The following COP1 variants were observed in gnomAD, a reference collection of about 807,000 sequenced individuals.
COP1 encodes E3 ubiquitin-protein ligase COP1.
A neutral mutation model predicts 101.3 loss-of-function variants in COP1; 24 were observed. That is an observed-to-expected ratio of 0.24 (90% CI 0.17 to 0.33). The LOEUF (loss-of-function observed/expected upper bound fraction) is 0.33, where lower values mean the gene tolerates loss of function less well. Among genes scored for constraint, COP1 ranks in the 10% least tolerant of loss-of-function variants. COP1 has a pLI of 1.00. For synonymous variants in COP1, 347 were observed against 341.9 expected, an observed-to-expected ratio of 1.01 and a Z score of -0.17; for missense variants, 663 against 906.2, an observed-to-expected ratio of 0.73 and a Z score of 3.45.
chr1:176,191,570 G>GA (rs547745366), intron 1 of COP1, among the ~76,000 whole-genome samples: 123 of 150,754 alleles, frequency 8.2e-4, no homozygotes, highest in Non-Finnish European at 1.3e-3. Flanking sequence ...AGGACTGAAA[G>GA]AAAAAAAATG....
intron 7 of COP1, 57 bp from the exon 8 acceptor site, chr1:176,135,143 C>A: frequency 4.4e-6 from 5 of 1,141,412 alleles, no homozygotes; most frequent in African/African-American, 1.6e-5. Flanking sequence ...ATATATAAAT[C>A]AAAAAGAGGC....
At chr1:176,018,743 G>C (rs769352803) in intron 15 of COP1, 3 of 152,110 alleles carry the variant, frequency 2.0e-5, no homozygotes, top group African/African-American at 7.2e-5. Context: ...ATCGTGGCAC[G>C]CTCCTGTAGT....
At chr1:175,986,530 CT>C (rs1657176049) in intron 18 of COP1, among the ~76,000 whole-genome samples, 1 of 147,590 alleles carries the variant, frequency 6.8e-6, no homozygotes, top group Non-Finnish European at 1.5e-5. Flanking sequence ...GGCCACTATC[CT>C]TTACCTGTAC....
At chr1:176,133,483 G>T (rs1037904364) in intron 8 of COP1, among the ~76,000 whole-genome samples, 2 of 151,796 alleles carry the variant, frequency 1.3e-5, no homozygotes, top group African/African-American at 4.8e-5. Context: ...TGACTGTATT[G>T]TATGTTATAT....
At chr1:175,957,920 A>G (rs925853350) in intron 18 of COP1, among the ~76,000 whole-genome samples, 9 of 152,146 alleles carry the variant, frequency 5.9e-5, no homozygotes, top group Non-Finnish European at 1.5e-5. Context: ...CCAGGTGCAA[A>G]AAATTACATA....
At chr1:175,998,028 AAT>A (rs1158182733) in intron 15 of COP1, among the ~76,000 whole-genome samples, 7 of 145,076 alleles carry the variant, frequency 4.8e-5, no homozygotes, top group African/African-American at 1.8e-4. Context: ...TAACCTGCAC[AAT>A]GTGCACATGT....
At chr1:176,158,206 A>G (rs186994989) in intron 5 of COP1, among the ~76,000 whole-genome samples, 2 of 152,322 alleles carry the variant, frequency 1.3e-5, no homozygotes, top group Admixed American at 1.3e-4. Context: ...AAAAGATAAG[A>G]ATGACAGCAG....
At chr1:176,109,548 T>A (rs1316434744) in intron 9 of COP1, among the ~76,000 whole-genome samples, 2 of 152,196 alleles carry the variant, frequency 1.3e-5, no homozygotes, top group Admixed American at 1.3e-4. Context: ...TAATTCATTG[T>A]ACTAATGAAC....
In COP1 at chr1:175,951,451, TATATATATATAA is replaced by T. The variant is rs1359038720; in HGVS notation, c.2134-4224_2134-4213del. Reference sequence around the variant, plus strand: ...TAAGATACGTGAATATATATATATATATATATATATAAAAACTTCCATTTTTGGCCATAACAG... The same window carrying T: ...TAAGATACGTGAATATATATATATATAAACTTCCATTTTTGGCCATAACAG... On this transcript the variant is annotated intron_variant, in intron 18 of 19. Transcript: ENST00000367669. Among the ~76,000 whole-genome samples, 10 of 94,208 alleles carry T rather than the reference TATATATATATAA, an allele frequency of 1.1e-4. 1 individual carries two copies. Among genetic ancestry groups the T allele is most frequent in the South Asian group, 3.3e-4 (1 of 3,054 alleles). 61.8% of individuals were successfully genotyped at this position (94,208 alleles called of 152,430 possible). A position where few individuals can be genotyped will look rare whatever the true frequency, so the allele number is the denominator to read the frequency against.
intron 9 of COP1, among the ~76,000 whole-genome samples, chr1:176,093,164 T>TA (rs1212989339): frequency 2.0e-5 from 3 of 152,178 alleles, no homozygotes; most frequent in Admixed American, 6.5e-5. Context: ...AACATATTGA[T>TA]AAACATAAAT....
intron 14 of COP1, among the ~76,000 whole-genome samples, chr1:176,030,120 A>G (rs777373098): frequency 4.6e-5 from 7 of 152,070 alleles, no homozygotes; most frequent in African/African-American, 1.7e-4. Context: ...CCTGGCTAAT[A>G]TATTTTTTTT....
chr1:176,203,662 T>A (rs1267122962), intron 1 of COP1, among the ~76,000 whole-genome samples: 4 of 152,244 alleles, frequency 2.6e-5, no homozygotes, highest in Non-Finnish European at 5.9e-5. Flanking sequence ...CTGTCCTGTA[T>A]TAGATTCTCC....
chr1:176,103,865 G>T (rs540662380), intron 9 of COP1, among the ~76,000 whole-genome samples: 24 of 152,152 alleles, frequency 1.6e-4, no homozygotes, highest in African/African-American at 5.5e-4. Flanking sequence ...GAGATAATTG[G>T]TAAGATAAAG....
rs556339675 is a variant in COP1 at position 176,057,907 on chromosome 1, C to T, written c.1278-11583G>A. On this transcript the variant is annotated intron_variant, in intron 11 of 19. Transcript: ENST00000367669. ...GAAGTGAGGAGCGTCTCTGCCCGGCCGCCCATCCTCTGAGATGTGGGGAGC... is the reference window on the plus strand; with the variant it reads ...GAAGTGAGGAGCGTCTCTGCCCGGCTGCCCATCCTCTGAGATGTGGGGAGC... Among the ~76,000 whole-genome samples the T allele has an allele frequency of 1.1e-4, 16 of 152,056 alleles. No homozygotes were observed. The South Asian group carries it at 3.1e-3, about 30-fold the overall frequency.
At chr1:176,090,883 C>T (rs1681153740) in intron 9 of COP1, among the ~76,000 whole-genome samples, 1 of 152,052 alleles carries the variant, frequency 6.6e-6, no homozygotes, top group African/African-American at 2.4e-5. Flanking sequence ...GACATGAATA[C>T]ACAGAAAGTG....
chr1:176,152,971 A>G (rs774205478), intron 5 of COP1, among the ~76,000 whole-genome samples: 5 of 152,180 alleles, frequency 3.3e-5, no homozygotes, highest in African/African-American at 4.8e-5. Flanking sequence ...TTCTGCTTGT[A>G]TAGACAACAG....
At chr1:175,984,398 T>C (rs1656609297) in intron 18 of COP1, among the ~76,000 whole-genome samples, 1 of 152,182 alleles carries the variant, frequency 6.6e-6, no homozygotes, top group Non-Finnish European at 1.5e-5. Flanking sequence ...AATAAAGAAC[T>C]GAGGTTTGGA....
intron 18 of COP1, chr1:175,968,398 G>A (rs759658789): frequency 2.0e-6 from 1 of 511,608 alleles, no homozygotes; most frequent in Non-Finnish European, 3.9e-6. Flanking sequence ...AGTTTTAAAG[G>A]CTGTACGGAG....
At chr1:175,956,191 T>C (rs946870640) in intron 18 of COP1, among the ~76,000 whole-genome samples, 1 of 151,312 alleles carries the variant, frequency 6.6e-6, no homozygotes, top group African/African-American at 2.4e-5. Flanking sequence ...CAGAAACAGA[T>C]CCATCCATAA....
Sources: gnomAD v4.1 joint callset for allele counts (sites outside exome capture counted in the v4.1 genomes callset) on GRCh38, gnomAD v4.1.1 for gene constraint, MANE v1.5 for transcripts, NCBI Gene and HGNC (gene_info 2026-07-23, HGNC 2026-07-21) for gene names.